Variants in HNRNPC observed in about 807,000 individuals in gnomAD.
HNRNPC encodes heterogeneous nuclear ribonucleoproteins C1/C2.
Under a neutral mutation model 33.2 loss-of-function variants are expected in HNRNPC, and 3 were observed. The observed-to-expected ratio is 0.09, with a 90% CI of 0.04 to 0.23. The LOEUF (loss-of-function observed/expected upper bound fraction) is 0.23, where lower values mean the gene tolerates loss of function less well. Among genes scored for constraint, HNRNPC ranks in the 10% least tolerant of loss-of-function variants. The pLI is 1.00. For missense variants in HNRNPC, 143 were observed against 366.7 expected (o/e 0.39, Z 4.98); for synonymous variants, 121 against 126.7 (o/e 0.96, Z 0.30).
At chr14:21,215,118 TAG>T (rs1224157954) in intron 5 of HNRNPC, among the ~76,000 whole-genome samples, 1 of 152,226 alleles carries the variant, frequency 6.6e-6, no homozygotes, top group African/African-American at 2.4e-5. Context: ...TGAACACAAT[TAG>T]GAGTCAAATT....
At chr14:21,230,828 CAA>C (rs1894034699) in intron 4 of HNRNPC, 167 bp downstream of exon 4, 1 of 688,376 alleles carries the variant, frequency 1.5e-6, no homozygotes, top group East Asian at 2.8e-5. Flanking sequence ...CATATTAACA[CAA>C]AAATAATAAA....
chr14:21,227,176 A>C (rs1262912328), intron 5 of HNRNPC, among the ~76,000 whole-genome samples: 2 of 151,762 alleles, frequency 1.3e-5, no homozygotes, highest in African/African-American at 4.9e-5. Context: ...ACCAGCAAAA[A>C]ACTCCTGTAT....
intron 2 of HNRNPC, among the ~76,000 whole-genome samples, chr14:21,250,526 AAGATAT>A (rs1293945280): frequency 6.6e-6 from 1 of 152,220 alleles, no homozygotes; most frequent in Non-Finnish European, 1.5e-5. Context: ...ATATCACGCC[AAGATAT>A]ATGATCTGCA....
chr14:21,215,285 G>GA (rs559565278), intron 5 of HNRNPC, among the ~76,000 whole-genome samples: 16 of 151,862 alleles, frequency 1.1e-4, no homozygotes, highest in East Asian at 1.9e-4. Flanking sequence ...TGTGAAAATA[G>GA]AAAAAAAACA....
intron 2 of HNRNPC, among the ~76,000 whole-genome samples, chr14:21,253,841 A>G (rs891235703): frequency 7.2e-5 from 11 of 152,072 alleles, no homozygotes; most frequent in Admixed American, 2.6e-4. Flanking sequence ...TAAGGCGGGC[A>G]GATCACGAGG....
intron 5 of HNRNPC, among the ~76,000 whole-genome samples, chr14:21,222,958 TG>T (rs1000300624): frequency 1.3e-5 from 2 of 151,762 alleles, no homozygotes; most frequent in African/African-American, 2.4e-5. Flanking sequence ...CCTAGCACTT[TG>T]GGAGGCTGAG....
At chr14:21,220,875 C>T (rs1892750549) in intron 5 of HNRNPC, among the ~76,000 whole-genome samples, 1 of 150,666 alleles carries the variant, frequency 6.6e-6, no homozygotes, top group Admixed American at 6.6e-5. Context: ...GTGGCTAATA[C>T]CAGCAGTTTG....
Position 21,224,847 on chromosome 14 carries a change from T to A in HNRNPC, c.365+5472A>T, listed in dbSNP as rs952724147. The stretch of plus-strand genomic sequence containing the variant: ...GAGTTCTTGAAGATTTGTCTATTTC[T>A]AATGCACTGACATATTAATATATTT... On this transcript the variant is annotated intron_variant, in intron 5 of 8. Transcript: ENST00000553300. 2.6e-5 allele frequency among the ~76,000 whole-genome samples: 4 copies of A among 152,300 alleles called. No homozygotes were observed. In the East Asian group the frequency reaches 7.7e-4, roughly 29 times the overall value.
In HNRNPC at chr14:21,220,393, A is replaced by G. The variant is rs184185560; in HGVS notation, c.366-7276T>C. Among the ~76,000 whole-genome samples, 348 of 152,020 alleles carry G rather than the reference A, an allele frequency of 2.3e-3. 2 individuals carry two copies. The highest frequency in any genetic ancestry group is 3.4e-3 in the Non-Finnish European group (232 of 67,966). ...CAGGCGCCCACCACCACGCCCAGCTAATTTTTTGTATTTTTGGTAGAAATG... is the reference window on the plus strand; with the variant it reads ...CAGGCGCCCACCACCACGCCCAGCTGATTTTTTGTATTTTTGGTAGAAATG... On this transcript the variant is annotated intron_variant, in intron 5 of 8. Transcript: ENST00000553300.
At chr14:21,245,084 CA>C (rs71112560) in intron 2 of HNRNPC, among the ~76,000 whole-genome samples, 1,289 of 54,618 alleles carry the variant, frequency 0.024, 3 homozygotes, top group Non-Finnish European at 0.029. Context: ...GACTCCATCT[CA>C]AAAAAAAAAA....
At chr14:21,232,801 C>CA (rs1424107658) in intron 3 of HNRNPC, among the ~76,000 whole-genome samples, 2 of 152,156 alleles carry the variant, frequency 1.3e-5, no homozygotes, top group African/African-American at 4.8e-5. Context: ...TTTGGGAGGC[C>CA]AAAGCGGGAG....
At chr14:21,248,486 A>G (rs1480147855) in intron 2 of HNRNPC, among the ~76,000 whole-genome samples, 1 of 152,218 alleles carries the variant, frequency 6.6e-6, no homozygotes, top group African/African-American at 2.4e-5. Context: ...TGAAGCATAA[A>G]TGAAACAAGG....
intron 3 of HNRNPC, among the ~76,000 whole-genome samples, chr14:21,232,091 AAAC>A (rs1894182828): frequency 6.6e-6 from 1 of 152,154 alleles, no homozygotes; most frequent in South Asian, 2.1e-4. Flanking sequence ...GAGCAAAGGG[AAAC>A]AACCCTGGTT....
chr14:21,226,327 G>GA (rs374686866), intron 5 of HNRNPC, among the ~76,000 whole-genome samples: 1,852 of 110,634 alleles, frequency 0.017, 25 homozygotes, highest in Middle Eastern at 0.039. Flanking sequence ...GTTTCCAAAA[G>GA]AAAAAAAAAA....
chr14:21,246,857 C>T (rs1283689616), intron 2 of HNRNPC, among the ~76,000 whole-genome samples: 1 of 152,176 alleles, frequency 6.6e-6, no homozygotes, highest in Non-Finnish European at 1.5e-5. Context: ...ATGAAGAAGA[C>T]ATTTGTGATG....
intron 2 of HNRNPC, among the ~76,000 whole-genome samples, chr14:21,257,190 A>AG (rs1877367176): frequency 6.6e-6 from 1 of 152,204 alleles, no homozygotes; most frequent in Non-Finnish European, 1.5e-5. Flanking sequence ...ATTCGAAAGA[A>AG]AAGTATAGGC....
intron 2 of HNRNPC, among the ~76,000 whole-genome samples, chr14:21,248,323 G>A (rs1022968750): frequency 6.6e-6 from 1 of 152,168 alleles, no homozygotes; most frequent in Admixed American, 6.5e-5. Context: ...GATTACAGGC[G>A]TGAGCCCCTG....
intron 2 of HNRNPC, among the ~76,000 whole-genome samples, chr14:21,253,845 C>G (rs1008325433): frequency 3.3e-5 from 5 of 151,878 alleles, no homozygotes; most frequent in African/African-American, 1.2e-4. Flanking sequence ...GCGGGCAGAT[C>G]ACGAGGTCAG....
At chr14:21,268,329 C>T (rs1028172810) in intron 1 of HNRNPC, among the ~76,000 whole-genome samples, 1 of 152,192 alleles carries the variant, frequency 6.6e-6, no homozygotes, top group Admixed American at 6.5e-5. Context: ...CAAATTTTGT[C>T]ATCTTACACT....
Sources: allele counts gnomAD v4.1 joint callset (sites outside exome capture counted in the v4.1 genomes callset), GRCh38; gene constraint gnomAD v4.1.1; transcripts MANE v1.5; gene names NCBI Gene and HGNC (gene_info 2026-07-23, HGNC 2026-07-21).